The following TSC1 variants were observed in gnomAD, a reference collection of about 807,000 sequenced individuals.
The protein encoded by TSC1 is hamartin.
TSC1 carries 20 observed loss-of-function variants against 124.3 expected under a neutral mutation model. The ratio of observed to expected loss-of-function variants is 0.16; its 90% confidence interval spans 0.11 to 0.23. The LOEUF (loss-of-function observed/expected upper bound fraction) is 0.23, where lower values mean the gene tolerates loss of function less well. Ranked by LOEUF, TSC1 falls within the 10% of genes least tolerant of loss-of-function variation. TSC1 has a pLI of 1.00. For synonymous variants in TSC1, 493 were observed against 539.1 expected (o/e 0.91, Z 1.19); for missense variants, 1,124 against 1,448.5 (o/e 0.78, Z 3.64).
At chr9:132,933,342 G>A (rs185132529) in intron 2 of TSC1, among the ~76,000 whole-genome samples, 17 of 152,126 alleles carry the variant, frequency 1.1e-4, no homozygotes, top group Middle Eastern at 3.4e-3. Flanking sequence ...CTGGGATTAC[G>A]GGTGTGAGCC....
In TSC1 at chr9:132,894,937, G is replaced by A. The variant is rs1370137768; in HGVS notation, c.*1298C>T. 4.3e-6 allele frequency: 1 copy of A among 231,758 alleles called. No homozygotes were observed. The highest frequency in any genetic ancestry group is 8.5e-6 in the Non-Finnish European group (1 of 117,220). The allele number at this position is 231,758 out of a possible 1,614,324, so 14.4% of individuals were successfully genotyped here. ...CGTTTCTTTCAGGAGCACTTGTTGA[G>A]TTTGGATTCTCTGCCACTGCCAATT... On this transcript the variant is annotated 3_prime_UTR_variant, in exon 23 of 23. Transcript: ENST00000298552.
intron 2 of TSC1, among the ~76,000 whole-genome samples, chr9:132,933,159 G>A (rs934408098): frequency 6.6e-6 from 1 of 152,158 alleles, no homozygotes; most frequent in Non-Finnish European, 1.5e-5. Context: ...TCCATCTCCT[G>A]GGTTCAAGTG....
intron 12 of TSC1, among the ~76,000 whole-genome samples, chr9:132,909,246 A>G (rs1397613357): frequency 6.6e-6 from 1 of 152,170 alleles, no homozygotes; most frequent in Non-Finnish European, 1.5e-5. Flanking sequence ...ATGATTCTGC[A>G]ACGTATCATA....
rs6597586 is a variant in TSC1, at chr9:132,910,725, T to C, written c.1142-33A>G. 216,517 of 1,612,106 alleles carry C rather than the reference T, an allele frequency of 0.13. 15,217 individuals are homozygous for C. Among genetic ancestry groups the C allele is most frequent in the African/African-American group, 0.21 (16,068 of 74,934 alleles). On this transcript the variant is annotated intron_variant, in intron 11 of 22. Transcript: ENST00000298552. Reference sequence around the variant, plus strand: ...ACAAGGGCAGAACATATATGAACACTGAGCCCAACTATTAGAAAAACTGCC... The same window carrying C: ...ACAAGGGCAGAACATATATGAACACCGAGCCCAACTATTAGAAAAACTGCC...
rs150738786 is a variant in TSC1 at position 132,921,780 on chromosome 9, GT to G, written c.663+38del. The G allele has an allele frequency of 5.6e-4, 910 of 1,612,192 alleles. 4 individuals carry two copies. The African/African-American group carries it at 9.9e-3, about 18-fold the overall frequency. On this transcript the variant is annotated intron_variant, in intron 7 of 22. Coordinates refer to ENST00000298552, the MANE Select transcript of TSC1 (RefSeq NM_000368.5). This position sits in a 1 kb window ranked among gnomAD's most constrained non-coding sequence, Gnocchi z 4.3. ...GGTATAAATGCAGCCTATCTAAACA[GT>G]ATACTAAGTAGCAAACAAACAAGCA...
Position 132,923,540 on chromosome 9 carries a change from C to A in TSC1, c.364-48G>T. The stretch of plus-strand genomic sequence containing the variant: ...GGAAACGTCTGTCAGGCACTGGCAC[C>A]AGGATCGGCATTGTACAGTACATGA... On this transcript the variant is annotated intron_variant, in intron 5 of 22. Transcript: ENST00000298552. The surrounding 1 kb of genome is among the most constrained non-coding windows in gnomAD (Gnocchi z 4.2). 3 of 1,613,266 alleles carry A rather than the reference C, an allele frequency of 1.9e-6. No homozygotes were observed. Among genetic ancestry groups the A allele is most frequent in the Non-Finnish European group, 2.5e-6 (3 of 1,179,530 alleles).
At chr9:132,930,126 G>A (rs1049984484) in intron 2 of TSC1, among the ~76,000 whole-genome samples, 2 of 152,162 alleles carry the variant, frequency 1.3e-5, no homozygotes, top group Non-Finnish European at 2.9e-5. Context: ...AACCACCTGG[G>A]ATACTTGCTA....
intron 2 of TSC1, among the ~76,000 whole-genome samples, chr9:132,932,638 C>T (rs1332915901): frequency 1.3e-5 from 2 of 152,120 alleles, no homozygotes; most frequent in East Asian, 3.8e-4. Context: ...CTCATAAGAT[C>T]CAGCCAGTTA....
chr9:132,899,931 A>C (rs947164963), intron 20 of TSC1: 2 of 152,222 alleles, frequency 1.3e-5, no homozygotes, highest in African/African-American at 4.8e-5. Flanking sequence ...TTTCTAGAGA[A>C]AGTCCCACAC....
chr9:132,897,559 T>G lies in TSC1; in HGVS notation c.2677A>C (p.Ser893Arg), dbSNP rs1396314595. ...CTCTGAGTCTGCTGGAGAACATGGCTTCTGTTTTTTTCTAGCTCTTTCCGA... is the reference window on the plus strand; with the variant it reads ...CTCTGAGTCTGCTGGAGAACATGGCGTCTGTTTTTTTCTAGCTCTTTCCGA... ...AYRKELEKNR[S>R]HVLQQTQRLD... Residue 893 changes from serine (S) to arginine (R), a missense_variant, in exon 21 of 23, where the codon AGC becomes CGC. Physicochemically the swap from Ser to Arg is moderately radical, Grantham distance 110. Around this residue, in one of 5 missense-constraint regions of TSC1, gnomAD observed 325 missense variants for 383.4 expected, o/e 0.85. Transcript: ENST00000298552. 3.7e-6 allele frequency: 6 copies of G among 1,607,342 alleles called. No homozygotes were observed. The African/African-American group carries it at 8.1e-5, about 22-fold the overall frequency.
intron 16 of TSC1, among the ~76,000 whole-genome samples, chr9:132,904,203 T>C (rs1376529199): frequency 1.3e-5 from 2 of 152,174 alleles, no homozygotes; most frequent in African/African-American, 4.8e-5. Context: ...GCACTTATAC[T>C]CTCAAGCGCA....
At position 132,911,215 on chromosome 9, in the gene TSC1, T is replaced by C; in HGVS notation, c.1030-102A>G. The C allele has an allele frequency of 3.9e-6, 4 of 1,035,480 alleles. No homozygotes were observed. In the South Asian group the frequency reaches 3.9e-5, roughly 10 times the overall value. The allele number at this position is 1,035,480 out of a possible 1,614,324, so 64.1% of individuals were successfully genotyped here. On this transcript the variant is annotated intron_variant, in intron 10 of 22. Coordinates refer to ENST00000298552, the MANE Select transcript of TSC1 (RefSeq NM_000368.5). ...GTTCAGCTTAAATTTAGCTTTTTCA[T>C]CTAGAAAAAGGCATCTTATTAAAAG...
rs548883473 is a variant in TSC1 at position 132,897,700 on chromosome 9, T to C, written c.2626-90A>G. The C allele has an allele frequency of 4.5e-4, 681 of 1,517,768 alleles. 8 individuals carry two copies. In the South Asian group the frequency reaches 6.9e-3, roughly 15 times the overall value. The allele number at this position is 1,517,768 out of a possible 1,614,324, so 94.0% of individuals were successfully genotyped here. ...TTTGAAAAGACAATGTAAGAAGGAC[T>C]GAGAAGGCATTTTAGTATACTGATA... On this transcript the variant is annotated intron_variant, in intron 20 of 22. Transcript: ENST00000298552.
At chr9:132,897,390 A>G in intron 21 of TSC1, 33 bp downstream of exon 21, 1 of 1,614,228 alleles carries the variant, frequency 6.2e-7, no homozygotes, top group Non-Finnish European at 8.5e-7. Context: ...TCCACTTAAT[A>G]AAAACACAAA....
At position 132,921,857 on chromosome 9, in the gene TSC1, T is replaced by C. The variant is rs754980229; in HGVS notation, c.625A>G (p.Met209Val). The C allele has an allele frequency of 4.3e-5, 69 of 1,614,216 alleles. No homozygotes were observed. Among genetic ancestry groups the C allele is most frequent in the South Asian group, 3.8e-4 (35 of 91,084 alleles). Residue 209 changes from methionine to valine, a missense_variant, in exon 7 of 23, where the codon ATG becomes GTG. Met to Val is a conservative substitution (Grantham distance 21). This residue lies in a region of TSC1 where 463 missense variants were observed against 606.8 expected (regional missense o/e 0.76). Coordinates refer to ENST00000298552, the MANE Select transcript of TSC1 (RefSeq NM_000368.5). This position sits in a 1 kb window ranked among gnomAD's most constrained non-coding sequence, Gnocchi z 4.3. ...FVSFLRSHYSMKENLETFEEV... is the reference protein window; with the variant it reads ...FVSFLRSHYSVKENLETFEEV... Reference sequence around the variant, plus strand: ...TCAAAAGTCTCCAGGTTTTCTTTCATACTGTAATGAGAACGCAAAAAGGAG... The same window carrying C: ...TCAAAAGTCTCCAGGTTTTCTTTCACACTGTAATGAGAACGCAAAAAGGAG...
Position 132,906,968 on chromosome 9 carries a change from G to T in TSC1, c.1334-133C>A. 1.3e-6 allele frequency: 1 copy of T among 753,182 alleles called. No individual in the cohort carries two copies. Among genetic ancestry groups the T allele is most frequent in the Non-Finnish European group, 2.3e-6 (1 of 441,150 alleles). The allele number at this position is 753,182 out of a possible 1,614,324, so 46.7% of individuals were successfully genotyped here. A position where few individuals can be genotyped will look rare whatever the true frequency, so the allele number is the denominator to read the frequency against. The stretch of plus-strand genomic sequence containing the variant: ...AACAGAGAAGGCTGGACATGGCTCT[G>T]TCCTGGGGATACTACAAAAGACTGA... On this transcript the variant is annotated intron_variant, in intron 13 of 22. Transcript: ENST00000298552. The surrounding 1 kb of genome is among the most constrained non-coding windows in gnomAD (Gnocchi z 4.1).
chr9:132,925,920 A>G lies in TSC1; in HGVS notation c.211-181T>C. On this transcript the variant is annotated intron_variant, in intron 4 of 22. Transcript: ENST00000298552. ...ACGTTAGCAAACAAAACACTGCTGC[A>G]TTTGGCCTGACAAAAGGCAGCCAGT... 5.1e-6 allele frequency: 4 copies of G among 782,014 alleles called. No individual in the cohort carries two copies. In the South Asian group the frequency reaches 7.1e-5, roughly 14 times the overall value. The allele number at this position is 782,014 out of a possible 1,614,324, so 48.4% of individuals were successfully genotyped here. A position where few individuals can be genotyped will look rare whatever the true frequency, so the allele number is the denominator to read the frequency against.
intron 2 of TSC1, among the ~76,000 whole-genome samples, chr9:132,933,065 G>GT (rs1241763533): frequency 6.6e-6 from 1 of 152,128 alleles, no homozygotes; most frequent in Non-Finnish European, 1.5e-5. Context: ...TGGCTTTGGT[G>GT]TTTTGTTTGT....
chr9:132,923,259 A>G lies in TSC1; in HGVS notation c.508+89T>C, dbSNP rs1350499847. ...ACTCATTTCAGCTATAAAAGTCTACATGTCCATTCCTTACAGCATATGAGC... is the reference window on the plus strand; with the variant it reads ...ACTCATTTCAGCTATAAAAGTCTACGTGTCCATTCCTTACAGCATATGAGC... On this transcript the variant is annotated intron_variant, in intron 6 of 22. Coordinates refer to ENST00000298552, the MANE Select transcript of TSC1 (RefSeq NM_000368.5). The surrounding 1 kb of genome is among the most constrained non-coding windows in gnomAD (Gnocchi z 4.2). The G allele has an allele frequency of 9.1e-6, 14 of 1,541,956 alleles. No individual in the cohort carries two copies. The African/African-American group carries it at 1.8e-4, about 20-fold the overall frequency.
Sources: allele counts gnomAD v4.1 joint callset (sites outside exome capture counted in the v4.1 genomes callset), GRCh38; gene constraint gnomAD v4.1.1; regional missense constraint gnomAD v4.1.1; non-coding constraint Gnocchi (gnomAD v3.1); transcripts MANE v1.5; gene names NCBI Gene and HGNC (gene_info 2026-07-23, HGNC 2026-07-21).